Variants in GRID2 observed in about 807,000 individuals in gnomAD.
GRID2 encodes the protein glutamate receptor ionotropic, delta-2.
GRID2 carries 33 observed loss-of-function variants against 114.8 expected under a neutral mutation model. The ratio of observed to expected loss-of-function variants is 0.29; its 90% confidence interval spans 0.22 to 0.38. The LOEUF is 0.38. Among genes scored for constraint, GRID2 ranks in the 10% least tolerant of loss-of-function variants. GRID2 has a pLI of 1.00. For synonymous variants in GRID2, 505 were observed against 449.9 expected (o/e 1.12, Z -1.55); for missense variants, 1,184 against 1,257.7 (o/e 0.94, Z 0.89).
chr4:93,494,279 A>G (rs186673191), intron 12 of GRID2, among the ~76,000 whole-genome samples: 153 of 151,944 alleles, frequency 1.0e-3, no homozygotes, highest in Non-Finnish European at 1.6e-3. Context: ...TGGCAAACAC[A>G]TGCCAACCAT....
intron 2 of GRID2, among the ~76,000 whole-genome samples, chr4:92,672,377 C>T (rs1175691242): frequency 6.6e-6 from 1 of 152,082 alleles, no homozygotes; most frequent in Non-Finnish European, 1.5e-5. Flanking sequence ...TCTGAATTTA[C>T]AATCATTCCT....
At chr4:93,106,230 A>T (rs1732216392) in intron 3 of GRID2, among the ~76,000 whole-genome samples, 1 of 152,232 alleles carries the variant, frequency 6.6e-6, no homozygotes, top group African/African-American at 2.4e-5. Context: ...TATTTTGGAA[A>T]CACAGATAAC....
chr4:92,682,010 A>G lies in GRID2; in HGVS notation c.244+91724A>G, dbSNP rs191339182. 2.6e-4 allele frequency among the ~76,000 whole-genome samples: 39 copies of G among 152,278 alleles called. 2 individuals carry two copies. The highest frequency in any genetic ancestry group is 1.8e-3 in the Admixed American group (27 of 15,294). ...TTATAGAGGTTAAAAAAGAACATAC[A>G]TATTCAAAGGAGAGTAAATAATTAA... is the stretch of plus-strand genomic sequence containing the variant. On this transcript the variant is annotated intron_variant, in intron 2 of 15. Coordinates refer to ENST00000282020, the MANE Select transcript of GRID2 (RefSeq NM_001510.4).
chr4:93,298,425 G>T (rs1754537730), intron 8 of GRID2, among the ~76,000 whole-genome samples: 1 of 152,146 alleles, frequency 6.6e-6, no homozygotes, highest in Non-Finnish European at 1.5e-5. Context: ...GCACTAGCAA[G>T]CTCTCTATGG....
intron 2 of GRID2, among the ~76,000 whole-genome samples, chr4:92,983,023 C>T (rs1178426749): frequency 6.6e-6 from 1 of 151,898 alleles, no homozygotes; most frequent in South Asian, 2.1e-4. Context: ...TTATAGGAAG[C>T]CAAGTATCTA....
chr4:93,008,017 A>T (rs1423589724), intron 2 of GRID2, among the ~76,000 whole-genome samples: 1 of 143,084 alleles, frequency 7.0e-6, no homozygotes, highest in African/African-American at 2.7e-5. Flanking sequence ...CCTGGGCAAC[A>T]GGGTGAGACT....
intron 2 of GRID2, among the ~76,000 whole-genome samples, chr4:92,622,561 A>G (rs1442052764): frequency 6.6e-6 from 1 of 151,788 alleles, no homozygotes; most frequent in Non-Finnish European, 1.5e-5. Flanking sequence ...GGATTTCCCA[A>G]AATACACTTG....
At chr4:92,319,859 T>C (rs1224690245) in intron 1 of GRID2, among the ~76,000 whole-genome samples, 2 of 152,206 alleles carry the variant, frequency 1.3e-5, no homozygotes, top group East Asian at 1.9e-4. Flanking sequence ...ATAATAACAA[T>C]AGCTCCCACC....
chr4:92,446,526 G>A (rs894046702), intron 1 of GRID2, among the ~76,000 whole-genome samples: 1 of 152,146 alleles, frequency 6.6e-6, no homozygotes, highest in Non-Finnish European at 1.5e-5. Flanking sequence ...GCTCATTCAT[G>A]GATTCTTTAG....
chr4:92,321,287 C>T (rs1392597979), intron 1 of GRID2, among the ~76,000 whole-genome samples: 1 of 152,026 alleles, frequency 6.6e-6, no homozygotes, highest in East Asian at 1.9e-4. Context: ...TGTTAAGGAC[C>T]TGTGTTTTCT....
intron 2 of GRID2, among the ~76,000 whole-genome samples, chr4:92,892,253 G>T (rs761959749): frequency 6.6e-6 from 1 of 151,728 alleles, no homozygotes; most frequent in Non-Finnish European, 1.5e-5. Context: ...TAGTAGAGAT[G>T]GAGTTTCACC....
At chr4:93,217,437 T>C (rs773991725) in intron 6 of GRID2, among the ~76,000 whole-genome samples, 6 of 152,144 alleles carry the variant, frequency 3.9e-5, no homozygotes, top group Non-Finnish European at 7.4e-5. Context: ...ATTTGAAAGA[T>C]ATAAATAAAA....
Position 93,316,320 on chromosome 4 carries a change from GAAAGAAAGAAA to G in GRID2, c.1245+77831_1245+77841del, listed in dbSNP as rs941468104. ...AGAAAGAAAGAAAGAAAGAAAGAAA[GAAAGAAAGAAA>G]GAAAGAAAGAAGGAAGGAAGGAAGG... On this transcript the variant is annotated intron_variant, in intron 8 of 15. Transcript: ENST00000282020. Among the ~76,000 whole-genome samples, 153 of 93,188 alleles carry G rather than the reference GAAAGAAAGAAA, an allele frequency of 1.6e-3. 4 individuals are homozygous for G. Among genetic ancestry groups the G allele is most frequent in the Middle Eastern group, 5.2e-3 (1 of 192 alleles). The allele number at this position is 93,188 out of a possible 152,430, so 61.1% of individuals were successfully genotyped here. A position where few individuals can be genotyped will look rare whatever the true frequency, so the allele number is the denominator to read the frequency against.
intron 14 of GRID2, among the ~76,000 whole-genome samples, chr4:93,628,545 G>C (rs989566895): frequency 6.6e-6 from 1 of 152,036 alleles, no homozygotes; most frequent in African/African-American, 2.4e-5. Flanking sequence ...CCTTCTAAGG[G>C]AAGAAACACA....
chr4:92,825,409 C>A (rs189102699), intron 2 of GRID2, among the ~76,000 whole-genome samples: 1 of 152,068 alleles, frequency 6.6e-6, no homozygotes, highest in East Asian at 1.9e-4. Flanking sequence ...TGCTATGGCA[C>A]CGAGGAGGGT....
Position 93,734,050 on chromosome 4 carries a change from T to C in GRID2, c.2361-35160T>C, listed in dbSNP as rs147936635. 5.3e-3 allele frequency among the ~76,000 whole-genome samples: 806 copies of C among 152,170 alleles called. 7 individuals are homozygous for C. The highest frequency in any genetic ancestry group is 0.018 in the African/African-American group (763 of 41,554). On this transcript the variant is annotated intron_variant, in intron 14 of 15. Transcript: ENST00000282020. ...TAGTTAAGACCTCCTTAGATTTGCATTGAAACTCTGCTTCTTTCTGCTGGT... is the reference window on the plus strand; with the variant it reads ...TAGTTAAGACCTCCTTAGATTTGCACTGAAACTCTGCTTCTTTCTGCTGGT...
intron 14 of GRID2, among the ~76,000 whole-genome samples, chr4:93,646,330 G>A (rs552374984): frequency 4.6e-5 from 7 of 152,202 alleles, no homozygotes; most frequent in African/African-American, 1.7e-4. Context: ...AAATTTTGGA[G>A]GAAGAATATC....
intron 4 of GRID2, among the ~76,000 whole-genome samples, chr4:93,205,426 C>T (rs548964474): frequency 1.3e-3 from 195 of 152,008 alleles, no homozygotes; most frequent in South Asian, 8.1e-3. Flanking sequence ...TTTGTCCTTG[C>T]GATAGTTTGC....
intron 2 of GRID2, among the ~76,000 whole-genome samples, chr4:92,853,132 A>T (rs1743941542): frequency 6.6e-6 from 1 of 151,976 alleles, no homozygotes; most frequent in South Asian, 2.1e-4. Context: ...CATTTAGCTG[A>T]GTGACTATGG....
Sources: gnomAD v4.1 joint callset for allele counts (sites outside exome capture counted in the v4.1 genomes callset) on GRCh38, gnomAD v4.1.1 for gene constraint, MANE v1.5 for transcripts, NCBI Gene and HGNC (gene_info 2026-07-23, HGNC 2026-07-21) for gene names.